MSN: variants seen among roughly 807,000 people sequenced by gnomAD.
MSN encodes moesin.
A neutral mutation model predicts 48.0 loss-of-function variants in MSN; 2 were observed. That is an observed-to-expected ratio of 0.04 (90% CI 0.02 to 0.13). MSN has a LOEUF of 0.13. Among genes scored for constraint, MSN ranks in the 10% least tolerant of loss-of-function variants. The probability of loss-of-function intolerance (pLI) is 1.00; values close to 1 mark genes in which losing one functional copy is unlikely to be tolerated. For synonymous variants in MSN, 146 were observed against 166.9 expected, an observed-to-expected ratio of 0.87 and a Z score of 0.97; for missense variants, 267 against 470.1, an observed-to-expected ratio of 0.57 and a Z score of 3.99.
At chrX:65,618,675 T>C (rs2070401133) in intron 1 of MSN, among the ~76,000 whole-genome samples, 1 of 111,103 alleles carries the variant, frequency 9.0e-6, no homozygotes, top group Admixed American at 9.6e-5. Flanking sequence ...TGCCAGTCTG[T>C]GTCTTTTAAT....
intron 1 of MSN, among the ~76,000 whole-genome samples, chrX:65,639,320 T>C (rs931701218): frequency 2.5e-4 from 28 of 111,214 alleles, no homozygotes; most frequent in African/African-American, 2.3e-4. Context: ...ATTTTTCATA[T>C]TTTTAGTAGA....
At chrX:65,594,192 A>G (rs1457866313) in intron 1 of MSN, among the ~76,000 whole-genome samples, 1 of 111,842 alleles carries the variant, frequency 8.9e-6, no homozygotes, top group Non-Finnish European at 1.9e-5. Flanking sequence ...CACCGCCCTT[A>G]ATTTAGAGTT....
At chrX:65,685,918 A>G (rs989678656) in intron 1 of MSN, among the ~76,000 whole-genome samples, 2 of 112,279 alleles carry the variant, frequency 1.8e-5, no homozygotes, top group African/African-American at 6.5e-5. Context: ...CCCACTGCTA[A>G]ATTTGACTGG....
intron 1 of MSN, among the ~76,000 whole-genome samples, chrX:65,639,302 C>G (rs2070630185): frequency 9.0e-6 from 1 of 110,962 alleles, no homozygotes; most frequent in Admixed American, 9.6e-5. Flanking sequence ...CGCCACCACA[C>G]CCAGCTAATT....
Position 65,740,484 on chromosome X carries a change from C to T in MSN, c.*591C>T, listed in dbSNP as rs923102843. ...TCTACCTCCCAGATCGGATCTGTTG[C>T]AAACTCAGCCTCAATAAGCCTTGTC... On this transcript the variant is annotated 3_prime_UTR_variant, in exon 13 of 13. Coordinates refer to ENST00000360270, the MANE Select transcript of MSN (RefSeq NM_002444.3). 12 of 173,090 alleles carry T rather than the reference C, an allele frequency of 6.9e-5. No individual in the cohort carries two copies. The highest frequency in any genetic ancestry group is 3.5e-4 in the African/African-American group (12 of 33,808). 14.3% of individuals were successfully genotyped at this position (173,090 alleles called of 1,213,427 possible). A position where few individuals can be genotyped will look rare whatever the true frequency, so the allele number is the denominator to read the frequency against.
chrX:65,632,379 TGA>T (rs2070565731), intron 1 of MSN, among the ~76,000 whole-genome samples: 1 of 112,192 alleles, frequency 8.9e-6, no homozygotes. Context: ...CCAGAAAACA[TGA>T]GTCAATAAAT....
At chrX:65,702,651 G>A (rs2071318979) in intron 1 of MSN, among the ~76,000 whole-genome samples, 1 of 96,570 alleles carries the variant, frequency 1.0e-5, no homozygotes, top group Admixed American at 9.8e-5. Flanking sequence ...GGGTGACAGA[G>A]TGAGACTCTG....
At chrX:65,698,910 C>T (rs1413868336) in intron 1 of MSN, among the ~76,000 whole-genome samples, 1 of 111,720 alleles carries the variant, frequency 9.0e-6, no homozygotes, top group Non-Finnish European at 1.9e-5. Flanking sequence ...GATGGGGAAA[C>T]TGAAGCCCAG....
intron 2 of MSN, among the ~76,000 whole-genome samples, chrX:65,722,071 C>T (rs1306691882): frequency 1.8e-5 from 2 of 111,693 alleles, no homozygotes; most frequent in Non-Finnish European, 1.9e-5. Flanking sequence ...AACAGCAAGA[C>T]CCTATCTCTA....
intron 1 of MSN, among the ~76,000 whole-genome samples, chrX:65,646,410 G>A (rs967449274): frequency 1.8e-5 from 2 of 111,795 alleles, no homozygotes; most frequent in African/African-American, 3.3e-5. Flanking sequence ...AGATGAATGA[G>A]TTGAGAGATA....
At chrX:65,714,310 T>C (rs1313801617) in intron 1 of MSN, among the ~76,000 whole-genome samples, 4 of 111,987 alleles carry the variant, frequency 3.6e-5, no homozygotes, top group Non-Finnish European at 7.5e-5. Flanking sequence ...TAGAATGATT[T>C]ATATTCCTTT....
At chrX:65,709,843 C>T (rs376223189) in intron 1 of MSN, among the ~76,000 whole-genome samples, 2 of 111,746 alleles carry the variant, frequency 1.8e-5, no homozygotes, top group Non-Finnish European at 1.9e-5. Context: ...TCCCACCCCC[C>T]CTTAGTTTCC....
chrX:65,595,357 A>C (rs2148348968), intron 1 of MSN, among the ~76,000 whole-genome samples: 1 of 111,679 alleles, frequency 9.0e-6, no homozygotes, highest in South Asian at 3.7e-4. Context: ...CATGGCAGAG[A>C]CCGTACTGGC....
rs781100610 is a variant in MSN, at chrX:65,643,211, G to C, written c.-22+54599G>C. Among the ~76,000 whole-genome samples the C allele has an allele frequency of 1.8e-4, 20 of 111,728 alleles. No homozygotes were observed. The East Asian group carries it at 4.5e-3, about 25-fold the overall frequency. ...CTCCCCAATGTCTGATTTTTCATTA[G>C]TGCTTTGTACTTTGAATCTTGAATG... is the stretch of plus-strand genomic sequence containing the variant. On this transcript the variant is annotated intron_variant, in intron 1 of 3. Coordinates refer to the MSN transcript ENST00000609672.
intron 1 of MSN, among the ~76,000 whole-genome samples, chrX:65,693,071 G>A (rs938646010): frequency 1.7e-4 from 19 of 111,840 alleles, no homozygotes; most frequent in African/African-American, 6.2e-4. Context: ...ATATACTCAT[G>A]GCTTCTTTAT....
At chrX:65,656,657 G>A (rs2070783492) in intron 1 of MSN, among the ~76,000 whole-genome samples, 1 of 111,851 alleles carries the variant, frequency 8.9e-6, no homozygotes, top group South Asian at 3.7e-4. Flanking sequence ...GACAAAGCAG[G>A]ATGTGGGAGG....
At position 65,740,551 on chromosome X, in the gene MSN, G is replaced by A. The variant is rs187743488; in HGVS notation, c.*658G>A. The A allele has an allele frequency of 5.8e-6, 1 of 172,714 alleles. No individual in the cohort carries two copies. Among genetic ancestry groups the A allele is most frequent in the Non-Finnish European group, 1.1e-5 (1 of 90,624 alleles). 14.2% of individuals were successfully genotyped at this position (172,714 alleles called of 1,213,427 possible). ...CAATTTCTCCCCAGGGTGGATGGGG[G>A]AAATGGTGCCTTCAAGACCTTCACC... On this transcript the variant is annotated 3_prime_UTR_variant, in exon 13 of 13. Coordinates refer to ENST00000360270, the MANE Select transcript of MSN (RefSeq NM_002444.3).
chrX:65,627,463 G>A (rs777223278), intron 1 of MSN, among the ~76,000 whole-genome samples: 3 of 110,868 alleles, frequency 2.7e-5, no homozygotes, highest in Non-Finnish European at 5.7e-5. Flanking sequence ...GAAAATGAGA[G>A]AGAAGCAAAA....
At chrX:65,648,611 G>A (rs1044368888) in intron 1 of MSN, among the ~76,000 whole-genome samples, 5 of 110,689 alleles carry the variant, frequency 4.5e-5, no homozygotes, top group Admixed American at 9.7e-5. Context: ...GGTGGCCCAC[G>A]CCTGTAATCC....
Sources: allele counts gnomAD v4.1 joint callset (sites outside exome capture counted in the v4.1 genomes callset), GRCh38; gene constraint gnomAD v4.1.1; transcripts MANE v1.5; gene names NCBI Gene and HGNC (gene_info 2026-07-23, HGNC 2026-07-21).